The following RORA variants were observed in gnomAD, a reference collection of about 807,000 sequenced individuals.
RORA encodes the protein nuclear receptor ROR-alpha.
Under a neutral mutation model 69.5 loss-of-function variants are expected in RORA, and 7 were observed. That is an observed-to-expected ratio of 0.10 (90% CI 0.06 to 0.19). RORA has a LOEUF of 0.19. Ranked by LOEUF, RORA falls within the 10% of genes least tolerant of loss-of-function variation. RORA has a pLI of 1.00. For missense variants in RORA, 457 were observed against 663.0 expected, an observed-to-expected ratio of 0.69 and a Z score of 3.41; for synonymous variants, 261 against 240.8, an observed-to-expected ratio of 1.08 and a Z score of -0.78.
At chr15:60,820,440 G>C (rs2072878931) in intron 1 of RORA, among the ~76,000 whole-genome samples, 1 of 152,132 alleles carries the variant, frequency 6.6e-6, no homozygotes, top group African/African-American at 2.4e-5. Flanking sequence ...GAAACGGACA[G>C]ACCCTTGATT....
At chr15:61,108,708 C>T (rs1298749653) in intron 1 of RORA, among the ~76,000 whole-genome samples, 3 of 152,188 alleles carry the variant, frequency 2.0e-5, no homozygotes, top group Admixed American at 2.0e-4. Flanking sequence ...ATCTTAAAAC[C>T]TAAAGCCAAT....
At chr15:60,599,298 C>A (rs1211928626) in intron 2 of RORA, among the ~76,000 whole-genome samples, 1 of 152,184 alleles carries the variant, frequency 6.6e-6, no homozygotes, top group Non-Finnish European at 1.5e-5. Flanking sequence ...CGCCTGTAAT[C>A]CCAGCACTTT....
At chr15:60,893,148 C>T (rs1424632549) in intron 1 of RORA, among the ~76,000 whole-genome samples, 1 of 152,212 alleles carries the variant, frequency 6.6e-6, no homozygotes, top group Non-Finnish European at 1.5e-5. Context: ...TGACCTGCTT[C>T]ACCAGGTTAC....
chr15:60,987,198 C>A (rs1396059570), intron 1 of RORA, among the ~76,000 whole-genome samples: 1 of 152,174 alleles, frequency 6.6e-6, no homozygotes, highest in African/African-American at 2.4e-5. Context: ...CTCATTATTT[C>A]TTCCCATGCC....
chr15:60,954,844 G>T (rs987025154), intron 1 of RORA, among the ~76,000 whole-genome samples: 6 of 152,160 alleles, frequency 3.9e-5, no homozygotes, highest in Admixed American at 2.0e-4. Context: ...CTGGGCAGAT[G>T]GTGAGCTTCT....
In RORA at chr15:60,911,720, G is replaced by C. The variant is rs1386896604; in HGVS notation, c.167-233034C>G. ...GATTTTTGATTTTTTTTTTTTTTTT[G>C]AAACAGTCTCGCACTGTCCCCCAGG... is the stretch of plus-strand genomic sequence containing the variant. On this transcript the variant is annotated intron_variant, in intron 1 of 10. Coordinates refer to ENST00000335670, the MANE Select transcript of RORA (RefSeq NM_134261.3). Among the ~76,000 whole-genome samples, 3 of 63,154 alleles carry C rather than the reference G, an allele frequency of 4.8e-5. No homozygotes were observed. The East Asian group carries it at 8.7e-4, about 18-fold the overall frequency. 41.4% of individuals were successfully genotyped at this position (63,154 alleles called of 152,430 possible).
At chr15:61,225,084 G>T (rs2080133956) in intron 1 of RORA, among the ~76,000 whole-genome samples, 1 of 152,084 alleles carries the variant, frequency 6.6e-6, no homozygotes, top group Admixed American at 6.5e-5. Flanking sequence ...TAAGAAATAA[G>T]GGGGAAGCAA....
intron 1 of RORA, among the ~76,000 whole-genome samples, chr15:60,937,035 G>A (rs1892544394): frequency 6.6e-6 from 1 of 152,022 alleles, no homozygotes; most frequent in Non-Finnish European, 1.5e-5. Context: ...ATGTGTGCTA[G>A]GCACCATATG....
chr15:60,767,534 C>T (rs2140878188), intron 1 of RORA, among the ~76,000 whole-genome samples: 1 of 152,258 alleles, frequency 6.6e-6, no homozygotes, highest in African/African-American at 2.4e-5. Context: ...TTGAAGCATC[C>T]TTCTTTTCAA....
intron 1 of RORA, among the ~76,000 whole-genome samples, chr15:61,167,635 G>T (rs2079550023): frequency 6.6e-6 from 1 of 151,920 alleles, no homozygotes; most frequent in Admixed American, 6.5e-5. Flanking sequence ...AGCAAGGTTG[G>T]CATCAGGGAG....
chr15:61,180,296 C>T (rs527800701), intron 1 of RORA, among the ~76,000 whole-genome samples: 31 of 152,038 alleles, frequency 2.0e-4, no homozygotes, highest in Non-Finnish European at 3.5e-4. Context: ...TTCATTTATC[C>T]ATCCTATCAC....
chr15:60,809,878 G>C (rs985548282), intron 1 of RORA, among the ~76,000 whole-genome samples: 1 of 151,584 alleles, frequency 6.6e-6, no homozygotes, highest in Non-Finnish European at 1.5e-5. Context: ...CTCTCCAAAT[G>C]TAAGTTTCAA....
In RORA at chr15:60,734,785, T is replaced by C. The variant is rs78094173; in HGVS notation, c.167-56099A>G. 2.5e-3 allele frequency among the ~76,000 whole-genome samples: 377 copies of C among 152,346 alleles called. 3 individuals carry two copies. Among genetic ancestry groups the C allele is most frequent in the African/African-American group, 8.7e-3 (362 of 41,574 alleles). ...CATGGTGTAAATGTAACGGCAATCA[T>C]GTAGAGACTTTGAAGTGACAGATGG... On this transcript the variant is annotated intron_variant, in intron 1 of 10. Transcript: ENST00000335670.
At chr15:60,626,716 C>T (rs960965975) in intron 2 of RORA, among the ~76,000 whole-genome samples, 4 of 152,140 alleles carry the variant, frequency 2.6e-5, no homozygotes, top group African/African-American at 7.2e-5. Context: ...TCGGGAAAAT[C>T]TGCTGCTCTC....
intron 4 of RORA, among the ~76,000 whole-genome samples, chr15:60,513,888 T>C (rs2065781394): frequency 6.6e-6 from 1 of 152,240 alleles, no homozygotes; most frequent in Non-Finnish European, 1.5e-5. Context: ...GAGAGCCAGC[T>C]GGTATATTTG....
intron 1 of RORA, among the ~76,000 whole-genome samples, chr15:61,076,077 T>G (rs745646144): frequency 6.6e-6 from 1 of 152,142 alleles, no homozygotes; most frequent in Non-Finnish European, 1.5e-5. Flanking sequence ...CTCTCCTCTT[T>G]GCAGGAAAAA....
chr15:60,797,302 GA>G (rs1407727366), intron 1 of RORA, among the ~76,000 whole-genome samples: 1 of 152,078 alleles, frequency 6.6e-6, no homozygotes, highest in Non-Finnish European at 1.5e-5. Context: ...TTAAAAAAAA[GA>G]TAGCCATACA....
At chr15:60,586,911 C>A (rs553780788) in intron 2 of RORA, among the ~76,000 whole-genome samples, 8 of 152,214 alleles carry the variant, frequency 5.3e-5, no homozygotes, top group Non-Finnish European at 8.8e-5. Flanking sequence ...TTAGACTTCA[C>A]GTGATTTTCT....
intron 1 of RORA, among the ~76,000 whole-genome samples, chr15:60,929,860 A>G (rs1434303444): frequency 6.6e-6 from 1 of 152,014 alleles, no homozygotes; most frequent in African/African-American, 2.4e-5. Flanking sequence ...TCTAGGGAGG[A>G]GCCCAGGAAT....
Sources: allele counts gnomAD v4.1 joint callset (sites outside exome capture counted in the v4.1 genomes callset), GRCh38; gene constraint gnomAD v4.1.1; transcripts MANE v1.5; gene names NCBI Gene and HGNC (gene_info 2026-07-23, HGNC 2026-07-21).